Variants in LHFPL3 observed in about 807,000 individuals in gnomAD.
The protein encoded by LHFPL3 is LHFPL tetraspan subfamily member 3 protein.
In LHFPL3, 5 loss-of-function variants were observed where a neutral mutation model predicts 19.3. That is an observed-to-expected ratio of 0.26 (90% CI 0.14 to 0.54). The LOEUF is 0.54. Among genes scored for constraint, LHFPL3 ranks in the 20% least tolerant of loss-of-function variants. LHFPL3 has a pLI of 0.94. For synonymous variants in LHFPL3, 133 were observed against 126.2 expected (o/e 1.05, Z -0.36); for missense variants, 249 against 307.4 (o/e 0.81, Z 1.42).
intron 1 of LHFPL3, among the ~76,000 whole-genome samples, chr7:104,507,763 A>G (rs1793728121): frequency 7.4e-6 from 1 of 135,244 alleles, no homozygotes; most frequent in Non-Finnish European, 1.6e-5. Context: ...AATTTACAAG[A>G]AAAAAACAAA....
At chr7:104,750,761 G>A (rs967062181) in intron 2 of LHFPL3, among the ~76,000 whole-genome samples, 2 of 152,184 alleles carry the variant, frequency 1.3e-5, no homozygotes, top group South Asian at 2.1e-4. Flanking sequence ...GGGACAGGGG[G>A]GGTTGTTGTC....
intron 1 of LHFPL3, among the ~76,000 whole-genome samples, chr7:104,466,035 A>G (rs1792776746): frequency 1.3e-5 from 2 of 152,182 alleles, no homozygotes; most frequent in South Asian, 4.1e-4. Context: ...AAGAATATAT[A>G]TTATGTTGTT....
At chr7:104,413,769 A>G (rs1791573479) in intron 1 of LHFPL3, among the ~76,000 whole-genome samples, 1 of 152,186 alleles carries the variant, frequency 6.6e-6, no homozygotes, top group Non-Finnish European at 1.5e-5. Flanking sequence ...ATAGAAATAC[A>G]ATCTCACATT....
At chr7:104,904,790 G>A (rs185404798) in intron 2 of LHFPL3, among the ~76,000 whole-genome samples, 1 of 152,068 alleles carries the variant, frequency 6.6e-6, no homozygotes, top group East Asian at 1.9e-4. Context: ...CAATATATAA[G>A]ATACCCTTAA....
intron 1 of LHFPL3, among the ~76,000 whole-genome samples, chr7:104,592,049 G>T (rs1020152440): frequency 6.6e-6 from 1 of 152,078 alleles, no homozygotes; most frequent in African/African-American, 2.4e-5. Flanking sequence ...GCTTCTTTGC[G>T]ATGGGTTCGA....
intron 1 of LHFPL3, among the ~76,000 whole-genome samples, chr7:104,495,537 C>T (rs1177905784): frequency 3.3e-5 from 5 of 152,198 alleles, no homozygotes; most frequent in Non-Finnish European, 5.9e-5. Flanking sequence ...GCACCTGCCA[C>T]CACGCTTGGC....
intron 1 of LHFPL3, among the ~76,000 whole-genome samples, chr7:104,513,614 T>C (rs1793864036): frequency 6.6e-6 from 1 of 152,196 alleles, no homozygotes; most frequent in African/African-American, 2.4e-5. Flanking sequence ...GAGGCAATAA[T>C]TAAAGACGGA....
chr7:104,442,221 C>T (rs1584322891), intron 1 of LHFPL3, among the ~76,000 whole-genome samples: 1 of 133,126 alleles, frequency 7.5e-6, no homozygotes, highest in South Asian at 2.7e-4. Context: ...CTATTCAATT[C>T]TTTGCTCATT....
At chr7:104,471,062 G>C (rs1384156203) in intron 1 of LHFPL3, among the ~76,000 whole-genome samples, 1 of 151,978 alleles carries the variant, frequency 6.6e-6, no homozygotes, top group Non-Finnish European at 1.5e-5. Flanking sequence ...CTATAAGAAG[G>C]GAATTTCTCC....
intron 1 of LHFPL3, among the ~76,000 whole-genome samples, chr7:104,455,948 A>G (rs944300970): frequency 9.4e-5 from 11 of 116,800 alleles, no homozygotes; most frequent in Non-Finnish European, 2.1e-4. Flanking sequence ...TTAACTGAAG[A>G]TGAGTTTTTA....
intron 2 of LHFPL3, among the ~76,000 whole-genome samples, chr7:104,884,736 T>A (rs1005487804): frequency 2.0e-5 from 3 of 152,142 alleles, no homozygotes; most frequent in Non-Finnish European, 4.4e-5. Context: ...TTCAAAATGG[T>A]GAAATGTGTG....
chr7:104,546,881 G>A (rs1298831901), intron 1 of LHFPL3, among the ~76,000 whole-genome samples: 3 of 152,190 alleles, frequency 2.0e-5, no homozygotes, highest in African/African-American at 4.8e-5. Context: ...ATCTAAGCCT[G>A]TTAATGGGAT....
chr7:104,382,607 A>G (rs1790850107), intron 1 of LHFPL3, among the ~76,000 whole-genome samples: 1 of 152,158 alleles, frequency 6.6e-6, no homozygotes, highest in South Asian at 2.1e-4. Flanking sequence ...AGGGTTTTGA[A>G]TGTGTGCTGC....
chr7:104,754,681 C>G (rs1319349295), intron 2 of LHFPL3, among the ~76,000 whole-genome samples: 1 of 152,128 alleles, frequency 6.6e-6, no homozygotes, highest in African/African-American at 2.4e-5. Context: ...GAACCCTGGC[C>G]TCATGATGCA....
Position 104,522,087 on chromosome 7 carries a change from C to T in LHFPL3, c.445+192863C>T, listed in dbSNP as rs1022352975. On this transcript the variant is annotated intron_variant, in intron 1 of 2. Coordinates refer to ENST00000424859, the MANE Select transcript of LHFPL3 (RefSeq NM_199000.3). ...ATGCTGCTATAAAGACACATGCACACGTATGTTTACTGAGGCATTATTCAC... is the reference window on the plus strand; with the variant it reads ...ATGCTGCTATAAAGACACATGCACATGTATGTTTACTGAGGCATTATTCAC... 3.9e-4 allele frequency among the ~76,000 whole-genome samples: 60 copies of T among 151,966 alleles called. 1 individual carries two copies. Among genetic ancestry groups the T allele is most frequent in the Non-Finnish European group, 1.5e-4 (10 of 68,012 alleles).
intron 1 of LHFPL3, among the ~76,000 whole-genome samples, chr7:104,635,395 A>G (rs1157039216): frequency 6.6e-6 from 1 of 152,220 alleles, no homozygotes; most frequent in Non-Finnish European, 1.5e-5. Context: ...ATTGCAGAAC[A>G]TCAGGGAAAA....
intron 1 of LHFPL3, among the ~76,000 whole-genome samples, chr7:104,500,742 T>C (rs1793584431): frequency 6.6e-6 from 1 of 152,218 alleles, no homozygotes; most frequent in South Asian, 2.1e-4. Flanking sequence ...TTCGCAAGCC[T>C]AAAATTCTTG....
At chr7:104,901,087 G>A (rs974708138) in intron 2 of LHFPL3, among the ~76,000 whole-genome samples, 1 of 152,174 alleles carries the variant, frequency 6.6e-6, no homozygotes, top group Non-Finnish European at 1.5e-5. Flanking sequence ...AATTGTCCTC[G>A]TGTCTCACGG....
At chr7:104,419,735 T>C (rs1791689878) in intron 1 of LHFPL3, among the ~76,000 whole-genome samples, 1 of 152,084 alleles carries the variant, frequency 6.6e-6, no homozygotes, top group Non-Finnish European at 1.5e-5. Flanking sequence ...ATCATGGAAG[T>C]CATTGGACGT....
Sources: gnomAD v4.1 joint callset for allele counts (sites outside exome capture counted in the v4.1 genomes callset) on GRCh38, gnomAD v4.1.1 for gene constraint, MANE v1.5 for transcripts, NCBI Gene and HGNC (gene_info 2026-07-23, HGNC 2026-07-21) for gene names.